The following SLC25A26 variants were observed in gnomAD, a reference collection of about 807,000 sequenced individuals.
SLC25A26 encodes the protein mitochondrial S-adenosylmethionine carrier protein.
SLC25A26 carries 36 observed loss-of-function variants against 37.8 expected under a neutral mutation model. The observed-to-expected ratio is 0.95, with a 90% CI of 0.73 to 1.26. The LOEUF is 1.26. SLC25A26 is among the 50% of genes most tolerant of loss of function. The probability of loss-of-function intolerance (pLI) is 0.00; values close to 1 mark genes in which losing one functional copy is unlikely to be tolerated. For missense variants in SLC25A26, 390 were observed against 331.1 expected (o/e 1.18, Z -1.38); for synonymous variants, 129 against 122.5 (o/e 1.05, Z -0.35).
At chr3:66,159,681 A>G (rs917250830) in intron 1 of SLC25A26, among the ~76,000 whole-genome samples, 2 of 152,130 alleles carry the variant, frequency 1.3e-5, no homozygotes, top group African/African-American at 4.8e-5. Context: ...ATCTTGGGAG[A>G]TACTTGTTCC....
chr3:66,275,879 A>C (rs1225034806), intron 5 of SLC25A26, among the ~76,000 whole-genome samples: 2 of 152,100 alleles, frequency 1.3e-5, no homozygotes, highest in African/African-American at 4.8e-5. Flanking sequence ...GGTGTGTGCG[A>C]ATTATCTCCA....
At chr3:66,314,615 G>A (rs905744494) in intron 5 of SLC25A26, among the ~76,000 whole-genome samples, 1 of 152,142 alleles carries the variant, frequency 6.6e-6, no homozygotes, top group Non-Finnish European at 1.5e-5. Flanking sequence ...TTTGGTATCA[G>A]GATGATGCTG....
chr3:66,284,376 T>A (rs2074440745), intron 5 of SLC25A26, among the ~76,000 whole-genome samples: 1 of 152,118 alleles, frequency 6.6e-6, no homozygotes, highest in Non-Finnish European at 1.5e-5. Context: ...TCTAATCCAT[T>A]GCTATCAGAG....
At chr3:66,217,086 A>C (rs987343891), upstream of SLC25A26, among the ~76,000 whole-genome samples, 1 of 152,226 alleles carries the variant, frequency 6.6e-6, no homozygotes, top group African/African-American at 2.4e-5. Flanking sequence ...ATACCTGATA[A>C]ATTACATTTC....
rs148774535 is a variant in SLC25A26, at chr3:66,312,322, T to C, written c.454-34042T>C. Among the ~76,000 whole-genome samples, 141 of 152,218 alleles carry C rather than the reference T, an allele frequency of 9.3e-4. 3 individuals carry two copies. In the East Asian group the frequency reaches 0.026, roughly 28 times the overall value. On this transcript the variant is annotated intron_variant, in intron 5 of 9. Coordinates refer to ENST00000354883, the MANE Select transcript of SLC25A26 (RefSeq NM_001379210.1). ...CTACTCAAGCTTCAGTAATGGTGGATGCCCTTCCCCTAACCAAACCCAATC... is the reference window on the plus strand; with the variant it reads ...CTACTCAAGCTTCAGTAATGGTGGACGCCCTTCCCCTAACCAAACCCAATC...
chr3:66,239,497 G>A (rs2072465002), intron 2 of SLC25A26, among the ~76,000 whole-genome samples: 1 of 152,164 alleles, frequency 6.6e-6, no homozygotes, highest in Non-Finnish European at 1.5e-5. Context: ...ACTGACTCAT[G>A]GATGGCAGAA....
At chr3:66,186,277 A>G (rs1193003986) in intron 1 of SLC25A26, among the ~76,000 whole-genome samples, 1 of 151,160 alleles carries the variant, frequency 6.6e-6, no homozygotes, top group Non-Finnish European at 1.5e-5. Flanking sequence ...ACTGACTGTC[A>G]TCATCATGAT....
At chr3:66,181,942 G>A (rs956167099) in intron 1 of SLC25A26, among the ~76,000 whole-genome samples, 2 of 152,106 alleles carry the variant, frequency 1.3e-5, no homozygotes, top group African/African-American at 4.8e-5. Context: ...GAGCGTGCCC[G>A]TGTGCCCACA....
chr3:66,240,341 G>C (rs2072514460), intron 2 of SLC25A26, among the ~76,000 whole-genome samples: 1 of 152,156 alleles, frequency 6.6e-6, no homozygotes, highest in Non-Finnish European at 1.5e-5. Context: ...CCAGACTGGA[G>C]TGCAGTGGCA....
chr3:66,314,472 G>A (rs139832330), intron 5 of SLC25A26, among the ~76,000 whole-genome samples: 1 of 152,264 alleles, frequency 6.6e-6, no homozygotes, highest in Non-Finnish European at 1.5e-5. Flanking sequence ...AAGCCGACTT[G>A]ATCACGGTGG....
At chr3:66,300,250 T>G (rs2075033941) in intron 5 of SLC25A26, among the ~76,000 whole-genome samples, 1 of 142,856 alleles carries the variant, frequency 7.0e-6, no homozygotes, top group South Asian at 2.1e-4. Context: ...AGGGTTTTTT[T>G]GTTTTGTTTT....
intron 6 of SLC25A26, among the ~76,000 whole-genome samples, chr3:66,349,014 G>A (rs560912479): frequency 6.6e-5 from 10 of 152,250 alleles, no homozygotes; most frequent in Non-Finnish European, 1.2e-4. Flanking sequence ...CACAGTTTCT[G>A]CACACTCTAA....
chr3:66,146,702 A>G (rs929756729), intron 1 of SLC25A26, among the ~76,000 whole-genome samples: 3 of 152,128 alleles, frequency 2.0e-5, no homozygotes, highest in Admixed American at 2.0e-4. Context: ...AAAAATTTCA[A>G]TAGCTTTGGG....
intron 5 of SLC25A26, 68 bp from the exon 6 acceptor site, chr3:66,346,296 G>C (rs974087026): frequency 9.7e-6 from 7 of 720,126 alleles, no homozygotes; most frequent in East Asian, 2.9e-5. Flanking sequence ...TTACAGGCTC[G>C]TATAGTCATA....
chr3:66,360,467 T>C (rs1427183376), intron 6 of SLC25A26, among the ~76,000 whole-genome samples: 2 of 152,126 alleles, frequency 1.3e-5, no homozygotes, highest in Admixed American at 1.3e-4. Context: ...TATTCACAGA[T>C]GATACGGTCA....
intron 1 of SLC25A26, among the ~76,000 whole-genome samples, chr3:66,206,383 C>T (rs1223762706): frequency 6.6e-6 from 1 of 152,258 alleles, no homozygotes; most frequent in Admixed American, 6.5e-5. Flanking sequence ...TAGGATTAGC[C>T]AGTTGTGCAC....
At chr3:66,140,864 G>A (rs1452337060) in intron 1 of SLC25A26, among the ~76,000 whole-genome samples, 1 of 152,216 alleles carries the variant, frequency 6.6e-6, no homozygotes, top group South Asian at 2.1e-4. Flanking sequence ...AGGCATGATT[G>A]AACTAACAGG....
intron 5 of SLC25A26, among the ~76,000 whole-genome samples, chr3:66,283,653 G>A (rs955766524): frequency 2.6e-5 from 4 of 152,102 alleles, no homozygotes; most frequent in Non-Finnish European, 5.9e-5. Flanking sequence ...TTACTGTCAG[G>A]ATTTTTATTT....
At chr3:66,274,723 A>G (rs1277091605) in intron 5 of SLC25A26, among the ~76,000 whole-genome samples, 3 of 152,322 alleles carry the variant, frequency 2.0e-5, no homozygotes, top group Admixed American at 6.5e-5. Context: ...ACCAGTTAGA[A>G]TGGCGATCAT....
Sources: gnomAD v4.1 joint callset for allele counts (sites outside exome capture counted in the v4.1 genomes callset) on GRCh38, gnomAD v4.1.1 for gene constraint, MANE v1.5 for transcripts, NCBI Gene and HGNC (gene_info 2026-07-23, HGNC 2026-07-21) for gene names.